Variants in CUBN observed in about 807,000 individuals in gnomAD.
The protein encoded by CUBN is 460 kDa receptor.
A neutral mutation model predicts 405.3 loss-of-function variants in CUBN; 282 were observed. The ratio of observed to expected loss-of-function variants is 0.70; its 90% CI spans 0.63 to 0.77. The LOEUF is 0.77. CUBN is among the 30% of genes least tolerant of loss of function. The pLI is 0.00. For missense variants in CUBN, 4,514 were observed against 4,475.2 expected, an observed-to-expected ratio of 1.01 and a Z score of -0.25; for synonymous variants, 1,684 against 1,617.0, an observed-to-expected ratio of 1.04 and a Z score of -0.99.
intron 30 of CUBN, 32 bp from the exon 31 acceptor site, chr10:16,982,685 A>G: frequency 6.3e-7 from 1 of 1,590,286 alleles, no homozygotes; most frequent in Non-Finnish European, 8.6e-7. Flanking sequence ...ATTTCATGAG[A>G]GGAATCATGG....
rs879004729 is a variant in CUBN, at chr10:16,831,130, T to G, written c.10528+122A>C. ...TGTACTTTCAATGTTAAAATCTCTA[T>G]TCTTAACATAAACTAATCAGGTACA... On this transcript the variant is annotated intron_variant, in intron 65 of 66. Transcript: ENST00000377833. 11 of 865,614 alleles carry G rather than the reference T, an allele frequency of 1.3e-5. No homozygotes were observed. The South Asian group carries it at 1.6e-4, about 12-fold the overall frequency. 53.6% of individuals were successfully genotyped at this position (865,614 alleles called of 1,614,324 possible).
intron 31 of CUBN, among the ~76,000 whole-genome samples, chr10:16,963,883 C>A (rs1381433110): frequency 6.6e-6 from 1 of 152,122 alleles, no homozygotes; most frequent in African/African-American, 2.4e-5. Flanking sequence ...TGGATATATG[C>A]ATATAATGAA....
At chr10:16,991,296 A>G (rs1833580154) in intron 28 of CUBN, among the ~76,000 whole-genome samples, 1 of 152,212 alleles carries the variant, frequency 6.6e-6, no homozygotes, top group Admixed American at 6.5e-5. Context: ...CACATGAGGT[A>G]GGTACTGTTA....
chr10:17,015,513 A>G (rs1380973034), intron 28 of CUBN, among the ~76,000 whole-genome samples: 1 of 152,194 alleles, frequency 6.6e-6, no homozygotes. Context: ...CTTGGATGGT[A>G]AAACCTTGAG....
chr10:16,868,754 C>A (rs983810241), intron 59 of CUBN, among the ~76,000 whole-genome samples: 1 of 152,160 alleles, frequency 6.6e-6, no homozygotes, highest in Non-Finnish European at 1.5e-5. Flanking sequence ...TATCCTCTCA[C>A]CTAACTTTAC....
intron 29 of CUBN, among the ~76,000 whole-genome samples, chr10:16,987,913 C>T (rs1475985391): frequency 1.3e-5 from 2 of 152,316 alleles, no homozygotes; most frequent in African/African-American, 4.8e-5. Context: ...AACAGTCCCC[C>T]AAACCCTGCT....
rs767049091 is a variant in CUBN at position 16,829,028 on chromosome 10, G to A, written c.10541C>T (p.Thr3514Ile). 2 of 1,613,796 alleles carry A rather than the reference G, an allele frequency of 1.2e-6. No individual in the cohort carries two copies. The highest frequency in any genetic ancestry group is 2.2e-5 in the East Asian group (1 of 44,876). ...WTSSPSGCGGTLYGDRGSFTS... is the reference protein window; with the variant it reads ...WTSSPSGCGGILYGDRGSFTS... ...GAATGAGCCTCTGTCTCCATAAAGA[G>A]TTCCACCACATCCTGCAAGGAAAAC... Residue 3514 changes from threonine (T) to isoleucine (I), a missense_variant, in exon 66 of 67, where the codon ACT becomes ATT. By Grantham distance (89) the Thr-to-Ile change is moderately conservative. Coordinates refer to ENST00000377833, the MANE Select transcript of CUBN (RefSeq NM_001081.4).
chr10:17,000,861 G>C (rs1254241334), intron 28 of CUBN, among the ~76,000 whole-genome samples: 1 of 152,190 alleles, frequency 6.6e-6, no homozygotes, highest in African/African-American at 2.4e-5. Context: ...AAATTATTGG[G>C]ATGAGACATG....
At position 16,984,292 on chromosome 10, in the gene CUBN, G is replaced by T. The variant is rs1312394470; in HGVS notation, c.4351-13C>A. ...GGCCTCCATAGATCTAACATGGGAT[G>T]TAGGAAAAAAGACTTTAAAAAATAT... On this transcript the variant is annotated splice_polypyrimidine_tract_variant and intron_variant, in intron 29 of 66. Transcript: ENST00000377833. 1 of 1,612,934 alleles carries T rather than the reference G, an allele frequency of 6.2e-7. No individual in the cohort carries two copies. Among genetic ancestry groups the T allele is most frequent in the Non-Finnish European group, 8.5e-7 (1 of 1,179,068 alleles).
intron 49 of CUBN, 108 bp from the exon 50 acceptor site, chr10:16,906,517 T>C (rs1441040138): frequency 1.2e-6 from 1 of 831,570 alleles, no homozygotes; most frequent in Non-Finnish European, 2.0e-6. Context: ...ACTGCTTTGA[T>C]TTGTTTTTCT....
chr10:16,933,739 G>T (rs914553738), intron 39 of CUBN, among the ~76,000 whole-genome samples: 1 of 152,006 alleles, frequency 6.6e-6, no homozygotes, highest in Non-Finnish European at 1.5e-5. Context: ...GCACAGCTGG[G>T]CTATGTGTGT....
intron 10 of CUBN, among the ~76,000 whole-genome samples, chr10:17,108,481 T>G (rs1049395992): frequency 6.6e-6 from 1 of 152,124 alleles, no homozygotes; most frequent in Admixed American, 6.5e-5. Context: ...AGGTGGTATC[T>G]TGAAATAGCA....
chr10:17,121,762 G>T (rs917710981), intron 6 of CUBN: 1 of 151,980 alleles, frequency 6.6e-6, no homozygotes, highest in Admixed American at 6.6e-5. Context: ...ATTTTTGCTG[G>T]AAAGACTAGA....
At chr10:16,909,559 A>G (rs920542783) in intron 48 of CUBN, among the ~76,000 whole-genome samples, 2 of 152,252 alleles carry the variant, frequency 1.3e-5, no homozygotes, top group Non-Finnish European at 2.9e-5. Flanking sequence ...TGATGGAATC[A>G]AAAGGGATTA....
At position 16,898,863 on chromosome 10, in the gene CUBN, C is replaced by G. The variant is rs574503712; in HGVS notation, c.8598+133G>C. Reference sequence around the variant, plus strand: ...AGCTCCTAACAGTTGAGGTTTCTCACTTTCTCACTTTTCATCCAAGGAATC... The same window carrying G: ...AGCTCCTAACAGTTGAGGTTTCTCAGTTTCTCACTTTTCATCCAAGGAATC... On this transcript the variant is annotated intron_variant, in intron 54 of 66. Coordinates refer to ENST00000377833, the MANE Select transcript of CUBN (RefSeq NM_001081.4). The G allele has an allele frequency of 2.0e-4, 146 of 724,178 alleles. 3 individuals carry two copies. In the South Asian group the frequency reaches 2.1e-3, roughly 10 times the overall value. The allele number at this position is 724,178 out of a possible 1,614,324, so 44.9% of individuals were successfully genotyped here.
intron 60 of CUBN, among the ~76,000 whole-genome samples, chr10:16,841,925 A>C (rs894280648): frequency 4.0e-5 from 6 of 151,370 alleles, no homozygotes; most frequent in African/African-American, 1.5e-4. Flanking sequence ...AAAAAAAAAA[A>C]AAAAAGATAT....
chr10:16,928,327 C>A, intron 40 of CUBN, 24 bp from the exon 41 acceptor site: 1 of 1,612,340 alleles, frequency 6.2e-7, no homozygotes, highest in Non-Finnish European at 8.5e-7. Context: ...AAGGGAACAA[C>A]ATGAAAATAC....
intron 19 of CUBN, 31 bp from the exon 20 acceptor site, chr10:17,068,801 T>C (rs1458292366): frequency 1.8e-5 from 27 of 1,538,560 alleles, no homozygotes; most frequent in Non-Finnish European, 2.3e-5. Flanking sequence ...TTCAAATATG[T>C]TGTATATCAA....
At chr10:17,117,247 A>G (rs1461773752) in intron 6 of CUBN, among the ~76,000 whole-genome samples, 1 of 151,952 alleles carries the variant, frequency 6.6e-6, no homozygotes, top group Non-Finnish European at 1.5e-5. Flanking sequence ...TAGACTCTTG[A>G]GGATTATGGA....
Sources: allele counts gnomAD v4.1 joint callset (sites outside exome capture counted in the v4.1 genomes callset), GRCh38; gene constraint gnomAD v4.1.1; transcripts MANE v1.5; gene names NCBI Gene and HGNC (gene_info 2026-07-23, HGNC 2026-07-21).